Variants in EHBP1L1 observed in about 807,000 individuals in gnomAD.
EHBP1L1 encodes the protein EH domain binding protein 1 like 1.
Under a neutral mutation model 151.1 loss-of-function variants are expected in EHBP1L1, and 122 were observed. The ratio of observed to expected loss-of-function variants is 0.81; its 90% CI spans 0.70 to 0.94. EHBP1L1 has a LOEUF of 0.94. Among genes scored for constraint, EHBP1L1 ranks in the 40% least tolerant of loss-of-function variants. EHBP1L1 has a pLI of 0.00. For missense variants in EHBP1L1, 1,941 were observed against 1,959.8 expected (o/e 0.99, Z 0.18); for synonymous variants, 878 against 810.1 (o/e 1.08, Z -1.42).
At position 65,591,826 on chromosome 11, in the gene EHBP1L1, G is replaced by A. The variant is rs1858324158; in HGVS notation, c.4310G>A (p.Arg1437Lys). 6.9e-7 allele frequency: 1 copy of A among 1,451,660 alleles called. No individual in the cohort carries two copies. The highest frequency in any genetic ancestry group is 9.2e-7 in the Non-Finnish European group (1 of 1,086,962). 89.9% of individuals were successfully genotyped at this position (1,451,660 alleles called of 1,614,324 possible). Residue 1437 changes from arginine to lysine, a missense_variant, in exon 17 of 19, where the codon AGG (arginine) becomes AAG (lysine). Arg to Lys is a conservative substitution (Grantham distance 26). Coordinates refer to ENST00000309295, the MANE Select transcript of EHBP1L1 (RefSeq NM_001099409.3). ...LLMEEQDLERRFELLSRELRA... is the reference protein window; with the variant it reads ...LLMEEQDLERKFELLSRELRA... ...ATGGAGGAGCAGGACTTGGAGCGAA[G>A]GTTCGAGCTGCTGAGCCGCGAGCTG...
chr11:65,586,987 T>C (rs1217162637), intron 12 of EHBP1L1, among the ~76,000 whole-genome samples: 1 of 152,214 alleles, frequency 6.6e-6, no homozygotes, highest in East Asian at 1.9e-4. Flanking sequence ...ATGCCCATTG[T>C]GTGCAGTGGG....
chr11:65,581,594 A>G lies in EHBP1L1; in HGVS notation c.922A>G (p.Lys308Glu). The G allele has an allele frequency of 6.6e-7, 1 of 1,519,820 alleles. No individual in the cohort carries two copies. 94.1% of individuals were successfully genotyped at this position (1,519,820 alleles called of 1,614,324 possible). ...CCCCACCCCAGCCCCTCGGCTCCGG[A>G]AAGGCTCTGATGCCCTCCGGCCCCC... Reference protein sequence around the residue: ...TAPTPAPRLRKGSDALRPPVP... With the variant: ...TAPTPAPRLREGSDALRPPVP... The change falls in exon 9 of 19, where the codon AAA (lysine) becomes GAA (glutamate). Residue 308 changes from lysine to glutamate, a missense_variant. By Grantham distance (56) the Lys-to-Glu change is moderately conservative. Coordinates refer to ENST00000309295, the MANE Select transcript of EHBP1L1 (RefSeq NM_001099409.3).
Position 65,580,091 on chromosome 11 carries a change from G to A in EHBP1L1, c.323G>A (p.Gly108Glu). 1 of 1,613,104 alleles carries A rather than the reference G, an allele frequency of 6.2e-7. No homozygotes were observed. The highest frequency in any genetic ancestry group is 2.2e-5 in the East Asian group (1 of 44,838). Residue 108 changes from glycine (G) to glutamate (E), a missense_variant, in exon 5 of 19, where the codon GGG (glycine) becomes GAG (glutamate). By Grantham distance (98) the Gly-to-Glu change is moderately conservative. Transcript: ENST00000309295. ...TCCCCTGGCCCACAGGAGTCTAAGG[G>A]GCAGCGGAAGGTGCTGGCCACGGCC... Reference protein sequence around the residue: ...WTFIIENESKGQRKVLATAEV... With the variant: ...WTFIIENESKEQRKVLATAEV...
rs759422497 is a variant in EHBP1L1 at position 65,590,456 on chromosome 11, A to G, written c.4184-37A>G. ...CAGCTGCCCTACCCTGACACGGGGC[A>G]GGGGGCAGGCCTGGTGACTGTCCCT... On this transcript the variant is annotated intron_variant, in intron 15 of 18. Transcript: ENST00000309295. 16 of 1,602,736 alleles carry G rather than the reference A, an allele frequency of 1.0e-5. No homozygotes were observed. In the Admixed American group the frequency reaches 2.7e-4, roughly 27 times the overall value.
At position 65,579,979 on chromosome 11, in the gene EHBP1L1, T is replaced by C. The variant is rs773071807; in HGVS notation, c.302T>C (p.Ile101Thr). The C allele has an allele frequency of 4.3e-6, 7 of 1,613,800 alleles. No homozygotes were observed. Among genetic ancestry groups the C allele is most frequent in the East Asian group, 2.2e-5 (1 of 44,900 alleles). Residue 101 changes from isoleucine to threonine, a missense_variant, in exon 4 of 19, where the codon ATT becomes ACT. Transcript: ENST00000309295. ...TATGAGGCCAAAGAGTGGACATTTA[T>C]TATTGAAAATGTGAGTGTCTGGAGT... ...DQYEAKEWTF[I>T]IENESKGQRK... is the part of the protein sequence containing the mutation.
At position 65,590,072 on chromosome 11, in the gene EHBP1L1, CT is replaced by C. The variant is rs1433371360; in HGVS notation, c.4060-11del. The C allele has an allele frequency of 1.9e-6, 3 of 1,613,676 alleles. No individual in the cohort carries two copies. Among genetic ancestry groups the C allele is most frequent in the African/African-American group, 2.7e-5 (2 of 74,904 alleles). On this transcript the variant is annotated splice_polypyrimidine_tract_variant and intron_variant, in intron 14 of 18. Coordinates refer to ENST00000309295, the MANE Select transcript of EHBP1L1 (RefSeq NM_001099409.3). ...GGGCTGAGTCCACCCTGTTCTCTGC[CT>C]TTTCCACCCCCAGCAACGGTTCCAG...
Position 65,584,978 on chromosome 11 carries a change from C to T in EHBP1L1, c.3320C>T (p.Ala1107Val). Residue 1107 changes from alanine (A) to valine (V), a missense_variant, in exon 12 of 19, where the codon GCT (alanine) becomes GTT (valine). By Grantham distance (64) the Ala-to-Val change is moderately conservative. Coordinates refer to ENST00000309295, the MANE Select transcript of EHBP1L1 (RefSeq NM_001099409.3). ...NNKQAFDGFA[A>V]LGVSRLLEPA... is the part of the protein sequence containing the mutation. ...CCCTAGGCCTTCGATGGCTTCGCGG[C>T]TCTGGGCGTGTCGCGGCTGCTGGAG... 1 of 1,534,010 alleles carries T rather than the reference C, an allele frequency of 6.5e-7. No individual in the cohort carries two copies. The highest frequency in any genetic ancestry group is 2.5e-5 in the East Asian group (1 of 40,758).
In EHBP1L1 at chr11:65,581,340, C is replaced by T. The variant is rs761714654; in HGVS notation, c.833C>T (p.Ala278Val). 20 of 1,588,670 alleles carry T rather than the reference C, an allele frequency of 1.3e-5. No individual in the cohort carries two copies. Among genetic ancestry groups the T allele is most frequent in the Non-Finnish European group, 1.7e-5 (20 of 1,170,624 alleles). ...GCGGGGGGCCAGGTAGGCCCTGAGG[C>T]CCCAAGGCCCCCGGAAACCTCACCA... Reference protein sequence around the residue: ...NEAGGQVGPEAPRPPETSPEM... With the variant: ...NEAGGQVGPEVPRPPETSPEM... The change falls in exon 8 of 19, where the codon GCC becomes GTC. Residue 278 changes from alanine to valine, a missense_variant. Coordinates refer to ENST00000309295, the MANE Select transcript of EHBP1L1 (RefSeq NM_001099409.3).
In EHBP1L1 at chr11:65,589,924, C is replaced by A; in HGVS notation, c.4004-12C>A. On this transcript the variant is annotated splice_polypyrimidine_tract_variant and intron_variant, in intron 13 of 18. Transcript: ENST00000309295. ...TGGTTAGGGGGTGCCTTATCATCAT[C>A]TCTGTCTGCAGGTGGGAGTTCCCCC... 6.4e-7 allele frequency: 1 copy of A among 1,552,736 alleles called. No homozygotes were observed. Among genetic ancestry groups the A allele is most frequent in the Non-Finnish European group, 8.7e-7 (1 of 1,145,846 alleles).
Position 65,584,821 on chromosome 11 carries a change from C to T in EHBP1L1, c.3301-138C>T, listed in dbSNP as rs1037499625. 60 of 1,225,024 alleles carry T rather than the reference C, an allele frequency of 4.9e-5. No homozygotes were observed. In the African/African-American group the frequency reaches 6.6e-4, roughly 13 times the overall value. 75.9% of individuals were successfully genotyped at this position (1,225,024 alleles called of 1,614,324 possible). ...GGGCGGGCCTTGTTGCTGGATTTCC[C>T]TCGCTAGGAGGGGGCGGTGTTGCTA... On this transcript the variant is annotated intron_variant, in intron 11 of 18. Transcript: ENST00000309295.
At position 65,581,824 on chromosome 11, in the gene EHBP1L1, G is replaced by A; in HGVS notation, c.1152G>A (p.Glu384=). ...QRLKAEEMDT[E]DRPEASGVDT... is the part of the protein sequence containing the mutation. Reference sequence around the variant, plus strand: ...TCAAGGCTGAAGAGATGGACACTGAGGACAGGCCAGAGGCCAGTGGGGTGG... The same window carrying A: ...TCAAGGCTGAAGAGATGGACACTGAAGACAGGCCAGAGGCCAGTGGGGTGG... The change falls in exon 9 of 19, where the codon GAG becomes GAA. Residue 384 remains glutamate (E), a synonymous_variant. Coordinates refer to ENST00000309295, the MANE Select transcript of EHBP1L1 (RefSeq NM_001099409.3). 2 of 1,613,666 alleles carry A rather than the reference G, an allele frequency of 1.2e-6. No homozygotes were observed. The highest frequency in any genetic ancestry group is 1.7e-6 in the Non-Finnish European group (2 of 1,179,786).
intron 16 of EHBP1L1, 68 bp downstream of exon 16, chr11:65,590,660 C>T: frequency 1.5e-6 from 2 of 1,315,648 alleles, no homozygotes; most frequent in Non-Finnish European, 2.2e-6. Flanking sequence ...TTCTTCACTA[C>T]TTTCTTATTC....
chr11:65,579,288 C>G, intron 2 of EHBP1L1, 53 bp from the exon 3 acceptor site: 2 of 1,483,788 alleles, frequency 1.3e-6, no homozygotes, highest in South Asian at 1.3e-5. Context: ...ATAGGGGGTG[C>G]AGGTGGGAGG....
chr11:65,582,271 C>A lies in EHBP1L1; in HGVS notation c.1599C>A (p.Ser533Arg). 6.5e-7 allele frequency: 1 copy of A among 1,528,046 alleles called. No individual in the cohort carries two copies. Among genetic ancestry groups the A allele is most frequent in the Admixed American group, 2.2e-5 (1 of 44,680 alleles). 94.7% of individuals were successfully genotyped at this position (1,528,046 alleles called of 1,614,324 possible). A position where few individuals can be genotyped will look rare whatever the true frequency, so the allele number is the denominator to read the frequency against. ...LEQGPSVGAI[S>R]TRPQVSSWQG... is the part of the protein sequence containing the mutation. ...AGGGCCCTTCTGTTGGAGCAATAAG[C>A]ACCAGGCCCCAGGTGAGCAGCTGGC... The change falls in exon 9 of 19, where the codon AGC (serine) becomes AGA (arginine). Residue 533 changes from serine to arginine, a missense_variant. Physicochemically the swap from Ser to Arg is moderately radical, Grantham distance 110. Transcript: ENST00000309295.
Position 65,582,903 on chromosome 11 carries a change from C to T in EHBP1L1, c.2231C>T (p.Ala744Val). ...GTCAGAGAGATAGAAGCAGAGATAG[C>T]AGAGTCTGACATATTGGTAGCCCAG... Reference protein sequence around the residue: ...SGVREIEAEIAESDILVAQEI... With the variant: ...SGVREIEAEIVESDILVAQEI... Residue 744 changes from alanine to valine, a missense_variant, in exon 9 of 19, where the codon GCA (alanine) becomes GTA (valine). Coordinates refer to ENST00000309295, the MANE Select transcript of EHBP1L1 (RefSeq NM_001099409.3). The T allele has an allele frequency of 1.2e-6, 2 of 1,613,452 alleles. No homozygotes were observed. The highest frequency in any genetic ancestry group is 1.1e-5 in the South Asian group (1 of 91,072).
intron 16 of EHBP1L1, 54 bp from the exon 17 acceptor site, chr11:65,591,746 G>A (rs1216410629): frequency 6.5e-6 from 9 of 1,385,676 alleles, no homozygotes; most frequent in Admixed American, 5.9e-5. Flanking sequence ...CTCTCCCTAC[G>A]CCCCTTTTCC....
In EHBP1L1 at chr11:65,582,395, GA is replaced by G; in HGVS notation, c.1724del (p.Glu575GlyfsTer3). Reference sequence around the variant, plus strand: ...TTCAGGGGACCTGGAAACAGAGACTGAGGTGGTAGGGTTGGAGGTGCTGGGA... The same window carrying G: ...TTCAGGGGACCTGGAAACAGAGACTGGGTGGTAGGGTTGGAGGTGCTGGGA... Reference protein sequence around the residue: ...GGSGDLETETEVVGLEVLGTQ... With the variant: ...GGSGDLETETXVVGLEVLGTQ... On this transcript the variant is annotated frameshift_variant, in exon 9 of 19. Transcript: ENST00000309295. LOFTEE classifies it high-confidence loss of function. The G allele has an allele frequency of 6.2e-7, 1 of 1,604,366 alleles. No homozygotes were observed. Among genetic ancestry groups the G allele is most frequent in the South Asian group, 1.1e-5 (1 of 90,322 alleles).
intron 1 of EHBP1L1, among the ~76,000 whole-genome samples, chr11:65,577,692 G>A (rs981722395): frequency 3.3e-5 from 5 of 152,288 alleles, no homozygotes; most frequent in Middle Eastern, 3.4e-3. Flanking sequence ...CCCCCTGTCC[G>A]CTTCCCCTTT....
chr11:65,587,298 C>G (rs111956644), intron 12 of EHBP1L1, among the ~76,000 whole-genome samples: 1 of 151,470 alleles, frequency 6.6e-6, no homozygotes, highest in African/African-American at 2.4e-5. Context: ...GTTTGAACCC[C>G]GGAGGCGGAG....
Sources: allele counts gnomAD v4.1 joint callset (sites outside exome capture counted in the v4.1 genomes callset), GRCh38; gene constraint gnomAD v4.1.1; transcripts MANE v1.5; gene names NCBI Gene and HGNC (gene_info 2026-07-23, HGNC 2026-07-21).